The following ZC3H4 variants were observed in gnomAD, a reference collection of about 807,000 sequenced individuals.
ZC3H4 encodes the protein zinc finger CCCH-type containing 4, also known as zinc finger CCCH domain-containing protein 4.
ZC3H4 carries 13 observed loss-of-function variants against 108.3 expected under a neutral mutation model. The observed-to-expected ratio is 0.12, with a 90% confidence interval of 0.08 to 0.19. ZC3H4 has a LOEUF of 0.19. Ranked by LOEUF, ZC3H4 falls within the 10% of genes least tolerant of loss-of-function variation. The probability of loss-of-function intolerance (pLI) is 1.00; values close to 1 mark genes in which losing one functional copy is unlikely to be tolerated. For synonymous variants in ZC3H4, 917 were observed against 749.6 expected (o/e 1.22, Z -3.65); for missense variants, 1,734 against 1,838.8 (o/e 0.94, Z 1.04).
At position 47,072,477 on chromosome 19, in the gene ZC3H4, C is replaced by A; in HGVS notation, c.1677G>T (p.Met559Ile). 7.2e-7 allele frequency: 1 copy of A among 1,392,840 alleles called. No individual in the cohort carries two copies. Among genetic ancestry groups the A allele is most frequent in the Non-Finnish European group, 9.5e-7 (1 of 1,049,702 alleles). 86.3% of individuals were successfully genotyped at this position (1,392,840 alleles called of 1,614,324 possible). The change falls in exon 12 of 15, where the codon ATG becomes ATT. Residue 559 changes from methionine (M) to isoleucine (I), a missense_variant. By Grantham distance (10) the Met-to-Ile change is conservative. This residue lies in a region of ZC3H4 where 75 missense variants were observed against 85.8 expected (regional missense o/e 0.87). Coordinates refer to ENST00000253048, the MANE Select transcript of ZC3H4 (RefSeq NM_015168.2). The surrounding 1 kb of genome is among the most constrained non-coding windows in gnomAD (Gnocchi z 5.6). Reference sequence around the variant, plus strand: ...GCGGGGACAGTGGCTCATGCACCGGCATGGGCATCTGAGGGGGCCCGGGCG... The same window carrying A: ...GCGGGGACAGTGGCTCATGCACCGGAATGGGCATCTGAGGGGGCCCGGGCG... ...PPPPGPPQMP[M>I]PVHEPLSPQQ...
chr19:47,076,720 C>A (rs929976144), intron 11 of ZC3H4, among the ~76,000 whole-genome samples: 3 of 152,074 alleles, frequency 2.0e-5, no homozygotes, highest in Admixed American at 6.6e-5. Flanking sequence ...GCTGGCCGGG[C>A]GCAGTGGCTC....
intron 1 of ZC3H4, 34 bp from the exon 2 acceptor site, chr19:47,112,623 A>G: frequency 2.5e-6 from 3 of 1,214,996 alleles, no homozygotes; most frequent in Non-Finnish European, 3.1e-6. Context: ...TGCACGAAAA[A>G]GGACTGCTTG....
chr19:47,108,136 A>G (rs2123105594), intron 2 of ZC3H4, among the ~76,000 whole-genome samples: 1 of 152,272 alleles, frequency 6.6e-6, no homozygotes, highest in Middle Eastern at 3.4e-3. Flanking sequence ...CAGAAATCTC[A>G]GGAGTCATCC....
chr19:47,066,607 G>A lies in ZC3H4; in HGVS notation c.3661C>T (p.Pro1221Ser), dbSNP rs1393705479. ...GGGGCTGCAGCAGCCTTGGGCCGGG[G>A]CCGGTTGTAGCTGTTGTATCTGTCC... ...PTDRYNSYNR[P>S]RPKAAAAPAA... is the part of the protein sequence containing the mutation. The change falls in exon 15 of 15, where the codon CCC becomes TCC. Residue 1221 changes from proline to serine, a missense_variant. Around this residue, in one of 9 missense-constraint regions of ZC3H4, gnomAD observed 518 missense variants for 499.6 expected, o/e 1.04. Transcript: ENST00000253048. 6.8e-6 allele frequency: 11 copies of A among 1,607,156 alleles called. No homozygotes were observed. In the East Asian group the frequency reaches 8.9e-5, roughly 13 times the overall value.
At chr19:47,091,794 G>A (rs957270142) in intron 4 of ZC3H4, among the ~76,000 whole-genome samples, 5 of 151,702 alleles carry the variant, frequency 3.3e-5, no homozygotes, top group African/African-American at 1.2e-4. Flanking sequence ...TTGAGAGGCT[G>A]AGGCAGGAGA....
chr19:47,105,206 A>G (rs916637926), intron 2 of ZC3H4, among the ~76,000 whole-genome samples: 1 of 152,220 alleles, frequency 6.6e-6, no homozygotes, highest in African/African-American at 2.4e-5. Context: ...AGTGCATACC[A>G]TATCACGTGG....
At chr19:47,071,630 C>T in intron 13 of ZC3H4, 148 bp downstream of exon 13, 1 of 799,948 alleles carries the variant, frequency 1.3e-6, no homozygotes, top group African/African-American at 1.8e-5. Context: ...TCCTATGTCA[C>T]TGAAAACATT....
intron 11 of ZC3H4, among the ~76,000 whole-genome samples, chr19:47,073,663 A>G (rs540961311): frequency 3.8e-4 from 58 of 152,222 alleles, no homozygotes; most frequent in African/African-American, 1.3e-3. Context: ...GTTCCAGCAC[A>G]TTTTCATCAC....
chr19:47,080,636 T>C (rs1031653658), intron 11 of ZC3H4, among the ~76,000 whole-genome samples: 6 of 150,896 alleles, frequency 4.0e-5, no homozygotes, highest in African/African-American at 4.9e-5. Context: ...GCTGGGACCA[T>C]AGGCATGTGC....
At chr19:47,112,246 G>A (rs2058049500) in intron 2 of ZC3H4, 178 bp downstream of exon 2, 2 of 1,163,374 alleles carry the variant, frequency 1.7e-6, no homozygotes, top group Non-Finnish European at 2.2e-6. Flanking sequence ...GGGAGAGAAA[G>A]CAAGCGAGAA....
chr19:47,108,137 G>A (rs2057991129), intron 2 of ZC3H4, among the ~76,000 whole-genome samples: 1 of 152,078 alleles, frequency 6.6e-6, no homozygotes, highest in African/African-American at 2.4e-5. Context: ...AGAAATCTCA[G>A]GAGTCATCCT....
intron 2 of ZC3H4, among the ~76,000 whole-genome samples, chr19:47,110,352 AAAG>A (rs569340518): frequency 6.6e-6 from 1 of 152,180 alleles, no homozygotes; most frequent in Non-Finnish European, 1.5e-5. Flanking sequence ...ATTGAAATGG[AAAG>A]AAGGATGCCA....
chr19:47,109,563 G>A (rs775529094), intron 2 of ZC3H4, among the ~76,000 whole-genome samples: 2 of 152,114 alleles, frequency 1.3e-5, no homozygotes, highest in East Asian at 1.9e-4. Flanking sequence ...TGTTTTGTTC[G>A]GTTCGTGCTT....
At chr19:47,107,679 C>T (rs937290933) in intron 2 of ZC3H4, among the ~76,000 whole-genome samples, 2 of 148,502 alleles carry the variant, frequency 1.3e-5, no homozygotes, top group Middle Eastern at 3.5e-3. Context: ...AAAAAAGTAA[C>T]AGGACACAAC....
At chr19:47,087,189 T>C (rs1010396915) in intron 5 of ZC3H4, among the ~76,000 whole-genome samples, 3 of 151,540 alleles carry the variant, frequency 2.0e-5, no homozygotes, top group Non-Finnish European at 4.4e-5. Context: ...GGTGGGAGAA[T>C]TGCTTGAACC....
At chr19:47,112,166 C>G in intron 2 of ZC3H4, 1 of 1,149,348 alleles carries the variant, frequency 8.7e-7, no homozygotes, top group Non-Finnish European at 1.1e-6. Flanking sequence ...CAGCATGGCG[C>G]CCAAAAAAGA....
Position 47,066,726 on chromosome 19 carries a change from G to C in ZC3H4, c.3542C>G (p.Ser1181Trp). 2 of 1,606,792 alleles carry C rather than the reference G, an allele frequency of 1.2e-6. No individual in the cohort carries two copies. Among genetic ancestry groups the C allele is most frequent in the Non-Finnish European group, 1.7e-6 (2 of 1,178,384 alleles). The change falls in exon 15 of 15, where the codon TCG (serine) becomes TGG (tryptophan). Residue 1181 changes from serine (S) to tryptophan (W), a missense_variant. Around this residue, in one of 9 missense-constraint regions of ZC3H4, gnomAD observed 518 missense variants for 499.6 expected, o/e 1.04. Transcript: ENST00000253048. Reference protein sequence around the residue: ...PKGAEGNGKSSASKAKEPPFV... With the variant: ...PKGAEGNGKSWASKAKEPPFV... The stretch of plus-strand genomic sequence containing the variant: ...CGGGGGCTCCTTAGCCTTGGAGGCC[G>C]AGCTCTTGCCATTGCCCTCAGCACC...
At position 47,086,684 on chromosome 19, in the gene ZC3H4, T is replaced by A. The variant is rs2057634715; in HGVS notation, c.716-146A>T. Reference sequence around the variant, plus strand: ...CTCCTCCTCCTCCAAGAAGCCTTCCTAGATGCCCCAGGTAGGCTACTGGAC... The same window carrying A: ...CTCCTCCTCCTCCAAGAAGCCTTCCAAGATGCCCCAGGTAGGCTACTGGAC... On this transcript the variant is annotated intron_variant, in intron 5 of 14. Coordinates refer to ENST00000253048, the MANE Select transcript of ZC3H4 (RefSeq NM_015168.2). The A allele has an allele frequency of 2.8e-6, 4 of 1,414,912 alleles. No individual in the cohort carries two copies. In the East Asian group the frequency reaches 1.0e-4, roughly 37 times the overall value. 87.6% of individuals were successfully genotyped at this position (1,414,912 alleles called of 1,614,324 possible).
intron 2 of ZC3H4, among the ~76,000 whole-genome samples, chr19:47,103,055 C>A (rs972034860): frequency 6.6e-6 from 1 of 152,178 alleles, no homozygotes; most frequent in African/African-American, 2.4e-5. Context: ...CTCCCACGAG[C>A]TCTGAAAATT....
Sources: gnomAD v4.1 joint callset for allele counts (sites outside exome capture counted in the v4.1 genomes callset) on GRCh38, gnomAD v4.1.1 for gene constraint, gnomAD v4.1.1 regional missense constraint, Gnocchi (gnomAD v3.1) non-coding constraint, MANE v1.5 for transcripts, NCBI Gene and HGNC (gene_info 2026-07-23, HGNC 2026-07-21) for gene names.